REV3L: variants seen among roughly 807,000 people sequenced by gnomAD.
REV3L encodes REV3 like, DNA directed polymerase zeta catalytic subunit.
In REV3L, 69 loss-of-function variants were observed where a neutral mutation model predicts 299.4. That is an observed-to-expected ratio of 0.23 (90% confidence interval 0.19 to 0.28). The LOEUF is 0.28. Among genes scored for constraint, REV3L ranks in the 10% least tolerant of loss-of-function variants. The pLI is 1.00. For synonymous variants in REV3L, 1,238 were observed against 1,271.4 expected (o/e 0.97, Z 0.56); for missense variants, 3,128 against 3,693.8 (o/e 0.85, Z 3.97).
intron 26 of REV3L, 105 bp from the exon 27 acceptor site, chr6:111,315,486 A>T: frequency 2.7e-6 from 2 of 748,190 alleles, no homozygotes; most frequent in South Asian, 1.8e-5. Flanking sequence ...GCCAAAGAAA[A>T]CTCCCTTTCT....
chr6:111,300,969 C>A (rs1200806914), intron 31 of REV3L, among the ~76,000 whole-genome samples: 1 of 152,204 alleles, frequency 6.6e-6, no homozygotes, highest in Non-Finnish European at 1.5e-5. Flanking sequence ...CCTGGCAGAA[C>A]AGAGTCATAT....
At chr6:111,405,386 TA>T in intron 4 of REV3L, 83 bp downstream of exon 4, 1 of 773,444 alleles carries the variant, frequency 1.3e-6, no homozygotes, top group South Asian at 3.6e-5. Flanking sequence ...AAATATATAT[TA>T]TTTTATAAAT....
At chr6:111,334,545 C>T (rs1775726089) in intron 22 of REV3L, among the ~76,000 whole-genome samples, 1 of 151,892 alleles carries the variant, frequency 6.6e-6, no homozygotes, top group South Asian at 2.1e-4. Context: ...AAAACTGAAT[C>T]AAGCAATTAC....
Position 111,416,475 on chromosome 6 carries a change from A to G in REV3L, c.140-3T>C, listed in dbSNP as rs759182236. 6.2e-7 allele frequency: 1 copy of G among 1,607,428 alleles called. No homozygotes were observed. Among genetic ancestry groups the G allele is most frequent in the Admixed American group, 1.7e-5 (1 of 59,638 alleles). Reference sequence around the variant, plus strand: ...TAGATGAAGACATGTCTTCTGACCTAAAATGTAACACATTATAAAGTTTAG... The same window carrying G: ...TAGATGAAGACATGTCTTCTGACCTGAAATGTAACACATTATAAAGTTTAG... On this transcript the variant is annotated splice_region_variant and splice_polypyrimidine_tract_variant and intron_variant, in intron 1 of 31. Coordinates refer to ENST00000368802, the MANE Select transcript of REV3L (RefSeq NM_001372078.1).
At chr6:111,476,554 G>A (rs1174532908) in intron 1 of REV3L, among the ~76,000 whole-genome samples, 34 of 152,126 alleles carry the variant, frequency 2.2e-4, no homozygotes, top group Admixed American at 2.2e-3. Flanking sequence ...GATTTTGAAG[G>A]ATTTCAGATT....
chr6:111,348,931 A>C (rs1302585215), intron 20 of REV3L: 1 of 186,120 alleles, frequency 5.4e-6, no homozygotes, highest in African/African-American at 2.3e-5. Context: ...CTGAGATTAC[A>C]AGTGTGAGCA....
At chr6:111,320,438 T>C (rs1235229992) in intron 26 of REV3L, among the ~76,000 whole-genome samples, 10 of 152,190 alleles carry the variant, frequency 6.6e-5, no homozygotes, top group Non-Finnish European at 1.5e-4. Context: ...TTTATCATTA[T>C]TGTCCTTCCA....
At chr6:111,308,420 T>C (rs1316145284) in intron 30 of REV3L, among the ~76,000 whole-genome samples, 1 of 152,224 alleles carries the variant, frequency 6.6e-6, no homozygotes, top group South Asian at 2.1e-4. Context: ...ACACAAAGCC[T>C]ATTTTATAAT....
intron 1 of REV3L, chr6:111,430,662 G>C (rs1052012518): frequency 3.3e-6 from 5 of 1,519,938 alleles, no homozygotes; most frequent in Non-Finnish European, 4.6e-6. Flanking sequence ...GAGGACTCTG[G>C]AGATGCCAAA....
rs916086340 is a variant in REV3L at position 111,342,444 on chromosome 6, G to A, written c.7538+1481C>T. ...AGCACTTTGGGAGGCCGAGGCGGGC[G>A]GATCATGAGGTCAGGAGATCGAGCC... On this transcript the variant is annotated intron_variant, in intron 21 of 31. Coordinates refer to ENST00000368802, the MANE Select transcript of REV3L (RefSeq NM_001372078.1). Among the ~76,000 whole-genome samples, 9 of 152,156 alleles carry A rather than the reference G, an allele frequency of 5.9e-5. No individual in the cohort carries two copies. The East Asian group carries it at 1.4e-3, about 23-fold the overall frequency.
rs192641745 is a variant in REV3L at position 111,415,682 on chromosome 6, C to T, written c.329+601G>A. 4.7e-4 allele frequency among the ~76,000 whole-genome samples: 71 copies of T among 152,210 alleles called. 1 individual carries two copies. The highest frequency in any genetic ancestry group is 3.4e-3 in the Middle Eastern group (1 of 294). On this transcript the variant is annotated intron_variant, in intron 2 of 31. Transcript: ENST00000368802. Reference sequence around the variant, plus strand: ...CTCTTCCACTCTAGTCACCTGGCTTCCATGCTGTTCCTACTCCCTTACCTC... The same window carrying T: ...CTCTTCCACTCTAGTCACCTGGCTTTCATGCTGTTCCTACTCCCTTACCTC...
chr6:111,354,514 G>A (rs533565826), intron 18 of REV3L, among the ~76,000 whole-genome samples: 1 of 152,190 alleles, frequency 6.6e-6, no homozygotes, highest in African/African-American at 2.4e-5. Context: ...CATTTTTTCA[G>A]ATATATTACA....
At chr6:111,346,079 C>A (rs909459123) in intron 20 of REV3L, among the ~76,000 whole-genome samples, 22 of 152,170 alleles carry the variant, frequency 1.4e-4, no homozygotes, top group African/African-American at 5.3e-4. Context: ...ATTCTCACTG[C>A]CATATCTCTA....
rs55684699 is a variant in REV3L at position 111,364,053 on chromosome 6, C to CTCAGATAATATGCT, written c.6754-89_6754-76dup. The CTCAGATAATATGCT allele has an allele frequency of 3.9e-6, 6 of 1,541,688 alleles. No homozygotes were observed. In the African/African-American group the frequency reaches 6.9e-5, roughly 18 times the overall value. On this transcript the variant is annotated intron_variant, in intron 15 of 31. Coordinates refer to ENST00000368802, the MANE Select transcript of REV3L (RefSeq NM_001372078.1). Reference sequence around the variant, plus strand: ...ATCATTTTTCTTTTGATTACTTATTCTCAGATAATATGCTTTATGTGTTTA... The same window carrying CTCAGATAATATGCT: ...ATCATTTTTCTTTTGATTACTTATTCTCAGATAATATGCTTCAGATAATATGCTTTATGTGTTTA...
At chr6:111,333,985 C>G (rs1238606804) in intron 22 of REV3L, among the ~76,000 whole-genome samples, 1 of 152,058 alleles carries the variant, frequency 6.6e-6, no homozygotes, top group Admixed American at 6.5e-5. Flanking sequence ...GTTGTCCAGG[C>G]TAGAGTGCAA....
intron 1 of REV3L, among the ~76,000 whole-genome samples, chr6:111,462,455 A>C (rs1347731998): frequency 1.3e-5 from 2 of 152,138 alleles, no homozygotes; most frequent in African/African-American, 2.4e-5. Flanking sequence ...AAATACATGA[A>C]AAAAAAACTG....
chr6:111,321,851 A>C (rs1047266980), intron 26 of REV3L, among the ~76,000 whole-genome samples: 1 of 152,200 alleles, frequency 6.6e-6, no homozygotes, highest in Admixed American at 6.5e-5. Flanking sequence ...ATATGGAAAA[A>C]ATTTCACTGT....
At chr6:111,458,741 T>C (rs1055464632) in intron 1 of REV3L, among the ~76,000 whole-genome samples, 1 of 152,074 alleles carries the variant, frequency 6.6e-6, no homozygotes, top group Non-Finnish European at 1.5e-5. Flanking sequence ...GTGAAAGATC[T>C]CTACAAGGAG....
chr6:111,374,453 T>C lies in REV3L; in HGVS notation c.3902A>G (p.Glu1301Gly), dbSNP rs1378815902. The C allele has an allele frequency of 6.2e-7, 1 of 1,613,970 alleles. No individual in the cohort carries two copies. The highest frequency in any genetic ancestry group is 1.1e-5 in the South Asian group (1 of 91,060). The change falls in exon 13 of 32, where the codon GAA becomes GGA. Residue 1301 changes from glutamate to glycine, a missense_variant. Around this residue, in one of 9 missense-constraint regions of REV3L, gnomAD observed 2,409 missense variants for 2,611.8 expected, o/e 0.92. Coordinates refer to ENST00000368802, the MANE Select transcript of REV3L (RefSeq NM_001372078.1). ...CTGCAAATCTACAGACTTCTTGCTT[T>C]CTAAGAAAGAAGAAAAGCAGCCAGA... ...KLSGCFSSFL[E>G]SKKSVDLQTF...
Sources: gnomAD v4.1 joint callset for allele counts (sites outside exome capture counted in the v4.1 genomes callset) on GRCh38, gnomAD v4.1.1 for gene constraint, gnomAD v4.1.1 regional missense constraint, MANE v1.5 for transcripts, NCBI Gene and HGNC (gene_info 2026-07-23, HGNC 2026-07-21) for gene names.